The following TM4SF4 variants were observed in gnomAD, a reference collection of about 807,000 sequenced individuals.
The protein encoded by TM4SF4 is transmembrane 4 L6 family member 4.
A neutral mutation model predicts 24.1 loss-of-function variants in TM4SF4; 24 were observed. That is an observed-to-expected ratio of 1.00 (90% CI 0.72 to 1.40). TM4SF4 has a LOEUF of 1.40. TM4SF4 is among the 40% of genes most tolerant of loss of function. The probability of loss-of-function intolerance (pLI) is 0.00; values close to 1 mark genes in which losing one functional copy is unlikely to be tolerated. For missense variants in TM4SF4, 254 were observed against 254.2 expected (o/e 1.00, Z 0.01); for synonymous variants, 113 against 97.0 (o/e 1.17, Z -0.97).
chr3:149,480,717 T>C (rs1191084802), intron 2 of TM4SF4, among the ~76,000 whole-genome samples: 1 of 152,136 alleles, frequency 6.6e-6, no homozygotes, highest in African/African-American at 2.4e-5. Context: ...AGGAATATTT[T>C]AGAAAGACAT....
rs756891511 is a variant in TM4SF4 at position 149,475,898 on chromosome 3, G to A, written c.250G>A (p.Gly84Arg). The stretch of plus-strand genomic sequence containing the variant: ...TGGGTGCTGCGGCAACGAGGGCTGT[G>A]GGAAGCGATTTGCGGTGAGTTACCA... ...CCGCCGNEGC[G>R]KRFAMFTSTI... The change falls in exon 2 of 5, where the codon GGG (glycine) becomes AGG (arginine). Residue 84 changes from glycine to arginine, a missense_variant. Transcript: ENST00000305354. 9.3e-6 allele frequency: 15 copies of A among 1,612,182 alleles called. No homozygotes were observed. The highest frequency in any genetic ancestry group is 1.3e-5 in the Non-Finnish European group (15 of 1,179,168).
At chr3:149,499,204 T>C (rs1393601872) in intron 4 of TM4SF4, among the ~76,000 whole-genome samples, 1 of 152,178 alleles carries the variant, frequency 6.6e-6, no homozygotes, top group Non-Finnish European at 1.5e-5. Flanking sequence ...AAGGACTCTG[T>C]CTATATATAA....
intron 3 of TM4SF4, among the ~76,000 whole-genome samples, chr3:149,490,695 G>C (rs1014009375): frequency 1.3e-5 from 2 of 152,176 alleles, no homozygotes. Context: ...ACTGGTATCT[G>C]ATAGTTAAAA....
intron 2 of TM4SF4, among the ~76,000 whole-genome samples, chr3:149,487,272 C>A (rs1734134194): frequency 6.6e-6 from 1 of 152,120 alleles, no homozygotes; most frequent in Admixed American, 6.5e-5. Flanking sequence ...AAAGATTACG[C>A]CAATCCTAAG....
At chr3:149,492,552 T>G (rs1734230543) in intron 3 of TM4SF4, among the ~76,000 whole-genome samples, 3 of 151,846 alleles carry the variant, frequency 2.0e-5, no homozygotes, top group Admixed American at 2.0e-4. Flanking sequence ...GCACAGGGTG[T>G]GGGGACAGCC....
At position 149,485,957 on chromosome 3, in the gene TM4SF4, G is replaced by A. The variant is rs548514223; in HGVS notation, c.265-1662G>A. On this transcript the variant is annotated intron_variant, in intron 2 of 4. Coordinates refer to ENST00000305354, the MANE Select transcript of TM4SF4 (RefSeq NM_004617.4). ...CAGACAAAGCACATGAATAGAGCTT[G>A]GTATTAAAACGTTGCATCAATCAGA... Among the ~76,000 whole-genome samples, 99 of 152,094 alleles carry A rather than the reference G, an allele frequency of 6.5e-4. 1 individual carries two copies. Among genetic ancestry groups the A allele is most frequent in the African/African-American group, 2.2e-3 (93 of 41,488 alleles).
At chr3:149,490,226 T>TC (rs1187974114) in intron 3 of TM4SF4, among the ~76,000 whole-genome samples, 4 of 152,250 alleles carry the variant, frequency 2.6e-5, no homozygotes, top group African/African-American at 9.6e-5. Context: ...AGCAGCATTC[T>TC]GTTGTCTCCT....
At chr3:149,487,776 G>A in intron 3 of TM4SF4, 21 bp downstream of exon 3, 3 of 1,612,266 alleles carry the variant, frequency 1.9e-6, no homozygotes, top group Non-Finnish European at 8.5e-7. Flanking sequence ...ACCCTGCAAT[G>A]CCCACCTGTC....
At chr3:149,475,127 T>A (rs1255836584) in intron 1 of TM4SF4, 76 bp downstream of exon 1, 1 of 1,444,304 alleles carries the variant, frequency 6.9e-7, no homozygotes, top group East Asian at 2.4e-5. Flanking sequence ...AGGTACTTAT[T>A]GAACAGGGAG....
In TM4SF4 at chr3:149,498,854, G is replaced by T. The variant is rs765114167; in HGVS notation, c.534G>T (p.Val178=). The change falls in exon 4 of 5, where the codon GTG becomes GTT. Residue 178 remains valine (V), a synonymous_variant. Coordinates refer to ENST00000305354, the MANE Select transcript of TM4SF4 (RefSeq NM_004617.4). ...GIQMVLCAIQ[V]VNGLLGTLCG... is the part of the protein sequence containing the mutation. The stretch of plus-strand genomic sequence containing the variant: ...AGATGGTTCTCTGCGCCATCCAGGT[G>T]GTCAATGGCCTCCTGGGGACCCTCT... 2.4e-5 allele frequency: 39 copies of T among 1,613,898 alleles called. No homozygotes were observed. The highest frequency in any genetic ancestry group is 3.1e-5 in the Non-Finnish European group (37 of 1,179,904).
At chr3:149,483,591 T>C (rs984698227) in intron 2 of TM4SF4, among the ~76,000 whole-genome samples, 9 of 150,994 alleles carry the variant, frequency 6.0e-5, no homozygotes, top group African/African-American at 2.2e-4. Flanking sequence ...CCATGTATAC[T>C]GAACTGCAGG....
At position 149,502,898 on chromosome 3, in the gene TM4SF4, A is replaced by G. The variant is rs560365417; in HGVS notation, c.*205A>G. 1 of 479,380 alleles carries G rather than the reference A, an allele frequency of 2.1e-6. No homozygotes were observed. The highest frequency in any genetic ancestry group is 2.0e-5 in the African/African-American group (1 of 50,864). The allele number at this position is 479,380 out of a possible 1,614,324, so 29.7% of individuals were successfully genotyped here. On this transcript the variant is annotated 3_prime_UTR_variant, in exon 5 of 5. Transcript: ENST00000305354. The stretch of plus-strand genomic sequence containing the variant: ...ATAAAAAATAGTTTGGCCACTTAAC[A>G]AATTTGATTTATAAATCTTTCAAAT...
intron 3 of TM4SF4, among the ~76,000 whole-genome samples, chr3:149,497,918 T>C (rs1455993789): frequency 6.6e-6 from 1 of 152,150 alleles, no homozygotes; most frequent in Non-Finnish European, 1.5e-5. Context: ...GTGCTGGGAT[T>C]ACAGGTGTGA....
At chr3:149,490,662 C>T (rs1560031656) in intron 3 of TM4SF4, among the ~76,000 whole-genome samples, 1 of 152,216 alleles carries the variant, frequency 6.6e-6, no homozygotes, top group Non-Finnish European at 1.5e-5. Flanking sequence ...CTACCTCCTA[C>T]TCCTTTTACT....
At chr3:149,492,390 G>T (rs1576521174) in intron 3 of TM4SF4, among the ~76,000 whole-genome samples, 1 of 152,092 alleles carries the variant, frequency 6.6e-6, no homozygotes, top group Non-Finnish European at 1.5e-5. Context: ...CCATATTAAA[G>T]AACACCCTAG....
Position 149,474,779 on chromosome 3 carries a change from A to T in TM4SF4, c.-99A>T. On this transcript the variant is annotated 5_prime_UTR_variant, in exon 1 of 5. Coordinates refer to ENST00000305354, the MANE Select transcript of TM4SF4 (RefSeq NM_004617.4). ...CCCCAAAATACTGATTGAATTGGAG[A>T]CAATTACAAGGACTCTCTGGCCAAA... 1.5e-6 allele frequency: 2 copies of T among 1,290,554 alleles called. No individual in the cohort carries two copies. Among genetic ancestry groups the T allele is most frequent in the South Asian group, 1.6e-5 (1 of 61,792 alleles). 79.9% of individuals were successfully genotyped at this position (1,290,554 alleles called of 1,614,324 possible).
At chr3:149,491,429 G>A (rs1361963085) in intron 3 of TM4SF4, among the ~76,000 whole-genome samples, 2 of 151,998 alleles carry the variant, frequency 1.3e-5, no homozygotes, top group Non-Finnish European at 2.9e-5. Flanking sequence ...TCATGCCACT[G>A]CATTCTAGCC....
intron 2 of TM4SF4, among the ~76,000 whole-genome samples, chr3:149,487,213 C>A (rs1734131830): frequency 6.6e-6 from 1 of 152,160 alleles, no homozygotes; most frequent in Non-Finnish European, 1.5e-5. Flanking sequence ...TGAGATCACA[C>A]CATTGCACTC....
At chr3:149,497,106 G>A (rs868078424) in intron 3 of TM4SF4, among the ~76,000 whole-genome samples, 2 of 152,168 alleles carry the variant, frequency 1.3e-5, no homozygotes, top group African/African-American at 2.4e-5. Context: ...GTTCAAACCC[G>A]GGTACATCTG....
Sources: gnomAD v4.1 joint callset for allele counts (sites outside exome capture counted in the v4.1 genomes callset) on GRCh38, gnomAD v4.1.1 for gene constraint, MANE v1.5 for transcripts, NCBI Gene and HGNC (gene_info 2026-07-23, HGNC 2026-07-21) for gene names.